SV2B: variants seen among roughly 807,000 people sequenced by gnomAD.
SV2B encodes the protein solute carrier family 22 member B2.
SV2B carries 41 observed loss-of-function variants against 73.9 expected under a neutral mutation model. That is an observed-to-expected ratio of 0.56 (90% CI 0.43 to 0.72). The LOEUF is 0.72. Among genes scored for constraint, SV2B ranks in the 30% least tolerant of loss-of-function variants. The pLI is 0.00. For synonymous variants in SV2B, 314 were observed against 314.2 expected (o/e 1.00, Z 0.01); for missense variants, 764 against 857.8 (o/e 0.89, Z 1.37).
Position 91,253,542 on chromosome 15 carries a change from G to C in SV2B, c.784+1022G>C, listed in dbSNP as rs571604196. ...CAAGCTGATAAACCCTGAAATCTCAGTGTTTTAACACAGTGAAAGCTTCTC... is the reference window on the plus strand; with the variant it reads ...CAAGCTGATAAACCCTGAAATCTCACTGTTTTAACACAGTGAAAGCTTCTC... On this transcript the variant is annotated intron_variant, in intron 4 of 12. Coordinates refer to ENST00000394232, the MANE Select transcript of SV2B (RefSeq NM_001323032.3). The surrounding 1 kb of genome is among the most constrained non-coding windows in gnomAD (Gnocchi z 5.0). 6.6e-6 allele frequency among the ~76,000 whole-genome samples: 1 copy of C among 152,226 alleles called. No homozygotes were observed. The highest frequency in any genetic ancestry group is 1.5e-5 in the Non-Finnish European group (1 of 68,044).
At position 91,284,419 on chromosome 15, in the gene SV2B, T is replaced by C. The variant is rs1195513343; in HGVS notation, c.1708+198T>C. Among the ~76,000 whole-genome samples the C allele has an allele frequency of 6.6e-6, 1 of 152,150 alleles. No individual in the cohort carries two copies. The highest frequency in any genetic ancestry group is 1.5e-5 in the Non-Finnish European group (1 of 68,024). On this transcript the variant is annotated intron_variant, in intron 11 of 12. Coordinates refer to ENST00000394232, the MANE Select transcript of SV2B (RefSeq NM_001323032.3). The surrounding 1 kb of genome is among the most constrained non-coding windows in gnomAD (Gnocchi z 4.5). ...AGGGCTCCTGGGAAATAGTCAAGAA[T>C]CTTTGGTCTAGGCGAGGGACTTTTG...
intron 6 of SV2B, among the ~76,000 whole-genome samples, chr15:91,263,281 CAT>C (rs2047983058): frequency 6.6e-6 from 1 of 151,710 alleles, no homozygotes; most frequent in Non-Finnish European, 1.5e-5. Flanking sequence ...CATGGACACA[CAT>C]GAACACAGAC....
chr15:91,269,661 T>C (rs2048229660), intron 9 of SV2B, among the ~76,000 whole-genome samples: 1 of 152,220 alleles, frequency 6.6e-6, no homozygotes, highest in African/African-American at 2.4e-5. Flanking sequence ...CCAGGAAGGA[T>C]ACCTCTTTCA....
intron 1 of SV2B, among the ~76,000 whole-genome samples, chr15:91,125,975 A>G (rs1332143476): frequency 6.6e-6 from 1 of 151,950 alleles, no homozygotes; most frequent in East Asian, 1.9e-4. Context: ...GTTGAGTGCT[A>G]CTTTTGGCTG....
At chr15:91,274,537 T>A (rs2048421001) in intron 9 of SV2B, among the ~76,000 whole-genome samples, 2 of 152,326 alleles carry the variant, frequency 1.3e-5, no homozygotes, top group Admixed American at 6.5e-5. Flanking sequence ...AAAAATTATA[T>A]TTTAAAAGTT....
Position 91,251,937 on chromosome 15 carries a change from C to G in SV2B, c.570C>G (p.Ser190=). 2 of 1,614,110 alleles carry G rather than the reference C, an allele frequency of 1.2e-6. No individual in the cohort carries two copies. Among genetic ancestry groups the G allele is most frequent in the Non-Finnish European group, 1.7e-6 (2 of 1,180,014 alleles). Residue 190 remains serine, a synonymous_variant, in exon 3 of 13, where the codon TCC becomes TCG. Transcript: ENST00000394232. ...TGGCCGTCAATGCCTCCTTCGCCTC[C>G]CTCTCTTCCTTCGTGCAGGGATATG... ...MSLAVNASFA[S]LSSFVQGYGA... is the part of the protein sequence containing the mutation.
In SV2B at chr15:91,265,325, A is replaced by G. The variant is rs555549321; in HGVS notation, c.1009-1257A>G. Among the ~76,000 whole-genome samples the G allele has an allele frequency of 4.6e-5, 7 of 152,324 alleles. No individual in the cohort carries two copies. The highest frequency in any genetic ancestry group is 1.7e-4 in the African/African-American group (7 of 41,582). On this transcript the variant is annotated intron_variant, in intron 6 of 12. Coordinates refer to ENST00000394232, the MANE Select transcript of SV2B (RefSeq NM_001323032.3). This position sits in a 1 kb window ranked among gnomAD's most constrained non-coding sequence, Gnocchi z 4.2. ...TGAAGCATTCGGCTGAGAACCCACG[A>G]TCTGCAGGGCTGGGGGAACACAGGC...
intron 1 of SV2B, among the ~76,000 whole-genome samples, chr15:91,164,934 T>A (rs2043857038): frequency 6.6e-6 from 1 of 152,246 alleles, no homozygotes; most frequent in Non-Finnish European, 1.5e-5. Context: ...GTTTTCACTT[T>A]TCTAAACATT....
chr15:91,257,434 G>T (rs527998910), intron 4 of SV2B, among the ~76,000 whole-genome samples: 4 of 152,272 alleles, frequency 2.6e-5, no homozygotes, highest in African/African-American at 9.6e-5. Flanking sequence ...TACCCATGAG[G>T]ATATTCAAAA....
intron 1 of SV2B, among the ~76,000 whole-genome samples, chr15:91,146,172 A>G (rs1437416208): frequency 6.6e-6 from 1 of 152,202 alleles, no homozygotes; most frequent in Non-Finnish European, 1.5e-5. Context: ...TGGTGTAAGG[A>G]AGGGATCCAG....
intron 4 of SV2B, among the ~76,000 whole-genome samples, chr15:91,255,330 C>T (rs138104098): frequency 6.6e-6 from 1 of 152,160 alleles, no homozygotes; most frequent in Non-Finnish European, 1.5e-5. Flanking sequence ...AAGTATTTTA[C>T]CCCAGATGAG....
chr15:91,247,056 T>A (rs2047264188), intron 2 of SV2B, among the ~76,000 whole-genome samples: 1 of 152,200 alleles, frequency 6.6e-6, no homozygotes, highest in Admixed American at 6.5e-5. Context: ...GTATTTCCCT[T>A]CCCTGGTGAT....
chr15:91,179,020 G>A (rs1018112727), intron 1 of SV2B, among the ~76,000 whole-genome samples: 4 of 151,748 alleles, frequency 2.6e-5, no homozygotes, highest in African/African-American at 9.7e-5. Flanking sequence ...GCTTTCTCTT[G>A]TGGGCATTTA....
chr15:91,265,900 T>C lies in SV2B; in HGVS notation c.1009-682T>C, dbSNP rs1457601975. Among the ~76,000 whole-genome samples the C allele has an allele frequency of 3.3e-5, 5 of 152,218 alleles. No homozygotes were observed. Among genetic ancestry groups the C allele is most frequent in the African/African-American group, 1.2e-4 (5 of 41,458 alleles). The stretch of plus-strand genomic sequence containing the variant: ...GCTCACGCCTATAATCCCAGCACTG[T>C]GGGAGGCCAAGGCAGGTGGATCACG... On this transcript the variant is annotated intron_variant, in intron 6 of 12. Transcript: ENST00000394232. The surrounding 1 kb of genome is among the most constrained non-coding windows in gnomAD (Gnocchi z 4.2).
In SV2B at chr15:91,241,744, C is replaced by G. The variant is rs897626787; in HGVS notation, c.452-10075C>G. Among the ~76,000 whole-genome samples the G allele has an allele frequency of 6.6e-6, 1 of 152,116 alleles. No individual in the cohort carries two copies. The highest frequency in any genetic ancestry group is 1.5e-5 in the Non-Finnish European group (1 of 68,018). On this transcript the variant is annotated intron_variant, in intron 2 of 12. Coordinates refer to ENST00000394232, the MANE Select transcript of SV2B (RefSeq NM_001323032.3). The surrounding 1 kb of genome is among the most constrained non-coding windows in gnomAD (Gnocchi z 4.8). The stretch of plus-strand genomic sequence containing the variant: ...CCCTGTATCCCATCCCCTCTCACCT[C>G]CCCAGAACATCACTTTTGTAATCCT...
In SV2B at chr15:91,240,898, CT is replaced by C. The variant is rs2046985143; in HGVS notation, c.452-10918del. Among the ~76,000 whole-genome samples the C allele has an allele frequency of 6.6e-6, 1 of 152,184 alleles. No individual in the cohort carries two copies. The highest frequency in any genetic ancestry group is 2.4e-5 in the African/African-American group (1 of 41,438). On this transcript the variant is annotated intron_variant, in intron 2 of 12. Transcript: ENST00000394232. This position sits in a 1 kb window ranked among gnomAD's most constrained non-coding sequence, Gnocchi z 4.6. ...CAGCCTCCACTCTTGTACCATTGCTCTTTCTTGCTCCCCCTGGACATTTCCA... is the reference window on the plus strand; with the variant it reads ...CAGCCTCCACTCTTGTACCATTGCTCTTCTTGCTCCCCCTGGACATTTCCA...
rs1002519761 is a variant in SV2B, at chr15:91,283,902, G to C, written c.1508-119G>C. ...TATTACCTTGACTTTGAGGCTGTCTGACTGGCAAAGGCTGGCACAGCCTGC... is the reference window on the plus strand; with the variant it reads ...TATTACCTTGACTTTGAGGCTGTCTCACTGGCAAAGGCTGGCACAGCCTGC... On this transcript the variant is annotated intron_variant, in intron 10 of 12. Coordinates refer to ENST00000394232, the MANE Select transcript of SV2B (RefSeq NM_001323032.3). The surrounding 1 kb of genome is among the most constrained non-coding windows in gnomAD (Gnocchi z 4.3). 2.1e-6 allele frequency: 2 copies of C among 934,248 alleles called. No homozygotes were observed. Among genetic ancestry groups the C allele is most frequent in the East Asian group, 5.0e-5 (2 of 40,226 alleles). The allele number at this position is 934,248 out of a possible 1,614,324, so 57.9% of individuals were successfully genotyped here.
intron 1 of SV2B, among the ~76,000 whole-genome samples, chr15:91,134,004 C>CTTTTTTTTTTTTTTTTTTTTTTTTTTTT (rs10637206): frequency 2.4e-4 from 25 of 106,238 alleles, no homozygotes; most frequent in Non-Finnish European, 3.5e-4. Context: ...TTCTTTCTTC[C>CTTTTTTTTTTTTTTTTTTTTTTTTTTTT]TTTTTTTTTT....
At chr15:91,266,373 G>T (rs1424205354) in intron 6 of SV2B, among the ~76,000 whole-genome samples, 1 of 152,186 alleles carries the variant, frequency 6.6e-6, no homozygotes, top group African/African-American at 2.4e-5. Context: ...AAGAGATGGA[G>T]ACACTCTATG....
Sources: allele counts gnomAD v4.1 joint callset (sites outside exome capture counted in the v4.1 genomes callset), GRCh38; gene constraint gnomAD v4.1.1; non-coding constraint Gnocchi (gnomAD v3.1); transcripts MANE v1.5; gene names NCBI Gene and HGNC (gene_info 2026-07-23, HGNC 2026-07-21).